The following ARHGAP15 variants were observed in gnomAD, a reference collection of about 807,000 sequenced individuals.
ARHGAP15 encodes the protein Rho GTPase activating protein 15.
ARHGAP15 carries 51 observed loss-of-function variants against 63.7 expected under a neutral mutation model. The observed-to-expected ratio is 0.80, with a 90% CI of 0.64 to 1.01. The LOEUF is 1.01. Among genes scored for constraint, ARHGAP15 ranks in the 50% least tolerant of loss-of-function variants. ARHGAP15 has a pLI of 0.00. For missense variants in ARHGAP15, 560 were observed against 564.6 expected, an observed-to-expected ratio of 0.99 and a Z score of 0.08; for synonymous variants, 191 against 193.8, an observed-to-expected ratio of 0.99 and a Z score of 0.12.
chr2:143,356,659 T>C (rs1685823102), intron 6 of ARHGAP15, among the ~76,000 whole-genome samples: 1 of 152,166 alleles, frequency 6.6e-6, no homozygotes, highest in South Asian at 2.1e-4. Context: ...CGCTTACCTT[T>C]AATATACCCT....
At chr2:143,362,032 C>T (rs1215845897) in intron 6 of ARHGAP15, among the ~76,000 whole-genome samples, 1 of 152,126 alleles carries the variant, frequency 6.6e-6, no homozygotes, top group African/African-American at 2.4e-5. Context: ...CTACAAGTTA[C>T]CAAAGTTTAA....
intron 3 of ARHGAP15, among the ~76,000 whole-genome samples, chr2:143,211,773 A>G (rs1209383377): frequency 1.3e-5 from 2 of 152,140 alleles, no homozygotes; most frequent in Non-Finnish European, 2.9e-5. Flanking sequence ...AGATCCCTTG[A>G]GTCTATCTCA....
At position 143,582,470 on chromosome 2, in the gene ARHGAP15, G is replaced by T. The variant is rs543551092; in HGVS notation, c.1003+25985G>T. On this transcript the variant is annotated intron_variant, in intron 11 of 13. Transcript: ENST00000295095. ...ACTCACTCTGTGGGGCAATGAGGAG[G>T]GGCATTGATAAATCCTACCCCAACT... Among the ~76,000 whole-genome samples the T allele has an allele frequency of 7.2e-5, 11 of 152,090 alleles. 1 individual carries two copies. Among genetic ancestry groups the T allele is most frequent in the African/African-American group, 2.7e-4 (11 of 41,408 alleles).
At chr2:143,490,631 A>G (rs947311451) in intron 9 of ARHGAP15, among the ~76,000 whole-genome samples, 2 of 150,884 alleles carry the variant, frequency 1.3e-5, no homozygotes, top group African/African-American at 4.9e-5. Flanking sequence ...TTGTTTGTTT[A>G]TTTTTTTGAG....
intron 11 of ARHGAP15, among the ~76,000 whole-genome samples, chr2:143,596,639 A>T (rs1252445185): frequency 6.6e-6 from 1 of 152,142 alleles, no homozygotes; most frequent in African/African-American, 2.4e-5. Flanking sequence ...ATATTTATTT[A>T]TAAACTAGCA....
chr2:143,492,032 C>G (rs1288287041), intron 9 of ARHGAP15, among the ~76,000 whole-genome samples: 4 of 152,188 alleles, frequency 2.6e-5, no homozygotes, highest in African/African-American at 9.7e-5. Context: ...TAGGTGCACA[C>G]CACCACATCC....
chr2:143,258,586 G>T (rs372245858), intron 6 of ARHGAP15, among the ~76,000 whole-genome samples: 3 of 152,100 alleles, frequency 2.0e-5, no homozygotes, highest in African/African-American at 7.2e-5. Context: ...AAGGATTCTT[G>T]GTATTTGAAG....
At chr2:143,205,941 A>G (rs1343429984) in intron 3 of ARHGAP15, among the ~76,000 whole-genome samples, 2 of 151,906 alleles carry the variant, frequency 1.3e-5, no homozygotes, top group African/African-American at 4.8e-5. Flanking sequence ...CACTGATCCT[A>G]GGCAGCAATT....
At chr2:143,723,689 A>G (rs754618504) in intron 13 of ARHGAP15, among the ~76,000 whole-genome samples, 29 of 152,160 alleles carry the variant, frequency 1.9e-4, no homozygotes, top group Non-Finnish European at 3.5e-4. Context: ...CAACTTAACA[A>G]AAACCATCCT....
At chr2:143,278,990 C>A (rs965364804) in intron 6 of ARHGAP15, among the ~76,000 whole-genome samples, 1 of 151,092 alleles carries the variant, frequency 6.6e-6, no homozygotes, top group Non-Finnish European at 1.5e-5. Context: ...TATTTAAGTA[C>A]AAATGCTGCC....
chr2:143,696,080 G>A (rs957192233), intron 12 of ARHGAP15, among the ~76,000 whole-genome samples: 5 of 151,952 alleles, frequency 3.3e-5, no homozygotes, highest in Non-Finnish European at 5.9e-5. Context: ...TTTTACACTC[G>A]TTGATTTGTA....
chr2:143,344,125 T>C (rs1327739197), intron 6 of ARHGAP15: 3 of 152,118 alleles, frequency 2.0e-5, no homozygotes, highest in Admixed American at 1.3e-4. Context: ...CAAATTCCCT[T>C]TCAATAACAC....
intron 2 of ARHGAP15, among the ~76,000 whole-genome samples, chr2:143,173,206 T>C (rs1191546704): frequency 6.6e-6 from 1 of 152,064 alleles, no homozygotes; most frequent in Non-Finnish European, 1.5e-5. Flanking sequence ...CCTAAAAATA[T>C]TTTAAAAAAC....
intron 6 of ARHGAP15, among the ~76,000 whole-genome samples, chr2:143,388,504 T>G (rs1687397357): frequency 6.6e-6 from 1 of 152,158 alleles, no homozygotes; most frequent in East Asian, 1.9e-4. Flanking sequence ...CCCCCAAACT[T>G]GGGCCTTCAG....
chr2:143,147,136 G>A (rs535407696), intron 1 of ARHGAP15, among the ~76,000 whole-genome samples: 11 of 152,080 alleles, frequency 7.2e-5, no homozygotes, highest in East Asian at 1.9e-4. Context: ...TGAGACAATC[G>A]CAGGTTAAAA....
chr2:143,441,785 A>AG (rs1689895165), intron 8 of ARHGAP15, among the ~76,000 whole-genome samples: 1 of 152,188 alleles, frequency 6.6e-6, no homozygotes, highest in Non-Finnish European at 1.5e-5. Flanking sequence ...GAGAGCTAAA[A>AG]GGAAATGGGT....
intron 4 of ARHGAP15, among the ~76,000 whole-genome samples, chr2:143,224,688 A>G (rs1419426863): frequency 6.6e-6 from 1 of 152,234 alleles, no homozygotes; most frequent in African/African-American, 2.4e-5. Context: ...TTGGTTGCGT[A>G]TAGAAAATAT....
chr2:143,707,227 C>T lies in ARHGAP15; in HGVS notation c.1244+3703C>T, dbSNP rs182817660. On this transcript the variant is annotated intron_variant, in intron 13 of 13. Coordinates refer to ENST00000295095, the MANE Select transcript of ARHGAP15 (RefSeq NM_018460.4). ...GTTGCAATTGGATTGGAGTGATGGA[C>T]GTCAAAAGGAAAGAAATGGCCAAAA... Among the ~76,000 whole-genome samples, 207 of 152,054 alleles carry T rather than the reference C, an allele frequency of 1.4e-3. 1 individual carries two copies. The highest frequency in any genetic ancestry group is 0.012 in the Admixed American group (190 of 15,284).
At chr2:143,508,376 A>AT (rs1693417951) in intron 9 of ARHGAP15, among the ~76,000 whole-genome samples, 1 of 151,808 alleles carries the variant, frequency 6.6e-6, no homozygotes, top group Non-Finnish European at 1.5e-5. Flanking sequence ...GCCTTGCTTC[A>AT]TTTTTTCCAT....
Sources: allele counts gnomAD v4.1 joint callset (sites outside exome capture counted in the v4.1 genomes callset), GRCh38; gene constraint gnomAD v4.1.1; transcripts MANE v1.5; gene names NCBI Gene and HGNC (gene_info 2026-07-23, HGNC 2026-07-21).